MLXIP: variants seen among roughly 807,000 people sequenced by gnomAD.
The protein encoded by MLXIP is MLX interacting protein.
In MLXIP, 30 loss-of-function variants were observed where a neutral mutation model predicts 87.2. The ratio of observed to expected loss-of-function variants is 0.34; its 90% CI spans 0.26 to 0.47. MLXIP has a LOEUF of 0.47. MLXIP is among the 20% of genes least tolerant of loss of function. The pLI, the probability that MLXIP is intolerant of heterozygous loss-of-function variation, is 1.00. For synonymous variants in MLXIP, 530 were observed against 514.0 expected, an observed-to-expected ratio of 1.03 and a Z score of -0.42; for missense variants, 1,002 against 1,240.1, an observed-to-expected ratio of 0.81 and a Z score of 2.88.
At chr12:122,129,018 T>C in intron 3 of MLXIP, 119 bp from the exon 4 acceptor site, 1 of 753,440 alleles carries the variant, frequency 1.3e-6, no homozygotes, top group Non-Finnish European at 2.3e-6. Flanking sequence ...GTAGCCACTG[T>C]GGGGTTTCCC....
chr12:122,120,602 A>G lies in MLXIP; in HGVS notation c.414-6654A>G, dbSNP rs140955336. 1.9e-3 allele frequency among the ~76,000 whole-genome samples: 290 copies of G among 152,314 alleles called. 1 individual carries two copies. The highest frequency in any genetic ancestry group is 3.2e-3 in the Non-Finnish European group (215 of 68,036). ...AAATGGTTAAAATGGTAAATTTTATATTTATTTTACTACAAGAAAAAGAGT... is the reference window on the plus strand; with the variant it reads ...AAATGGTTAAAATGGTAAATTTTATGTTTATTTTACTACAAGAAAAAGAGT... On this transcript the variant is annotated intron_variant, in intron 1 of 16. Transcript: ENST00000319080.
intron 1 of MLXIP, among the ~76,000 whole-genome samples, chr12:122,083,401 G>A (rs1057382410): frequency 1.3e-5 from 2 of 151,894 alleles, no homozygotes; most frequent in Non-Finnish European, 2.9e-5. Flanking sequence ...CGAATGCTTT[G>A]TATAGTAACC....
intron 1 of MLXIP, among the ~76,000 whole-genome samples, chr12:122,121,003 A>G (rs1373891319): frequency 3.3e-5 from 2 of 60,128 alleles, no homozygotes; most frequent in African/African-American, 1.5e-4. Context: ...AGCCCTCTGC[A>G]TGCTTGGTTT....
chr12:122,079,211 C>T lies in MLXIP; in HGVS notation c.358C>T (p.Leu120=). Residue 120 remains leucine (L), a synonymous_variant, in exon 1 of 17, where the codon CTG becomes TTG. Transcript: ENST00000319080. ...CTTCGGCAAGACTAGCTCCTGCCAC[C>T]TGTCCATCGACGCCTCGCTCACCAA... ...YSFGKTSSCH[L]SIDASLTKLF... is the part of the protein sequence containing the mutation. 1 of 1,551,380 alleles carries T rather than the reference C, an allele frequency of 6.4e-7. No individual in the cohort carries two copies. The highest frequency in any genetic ancestry group is 1.2e-5 in the South Asian group (1 of 84,060).
chr12:122,083,113 C>T (rs1465501703), intron 1 of MLXIP, among the ~76,000 whole-genome samples: 3 of 152,194 alleles, frequency 2.0e-5, no homozygotes, highest in Non-Finnish European at 2.9e-5. Context: ...AGCTATTGTG[C>T]CCAGCCCCCA....
intron 1 of MLXIP, among the ~76,000 whole-genome samples, chr12:122,114,569 G>A (rs1236419856): frequency 6.6e-6 from 1 of 152,066 alleles, no homozygotes; most frequent in African/African-American, 2.4e-5. Flanking sequence ...GATACCCTGT[G>A]CTCCAGGCCC....
At chr12:122,091,201 A>G (rs2135904850) in intron 1 of MLXIP, among the ~76,000 whole-genome samples, 1 of 152,328 alleles carries the variant, frequency 6.6e-6, no homozygotes, top group East Asian at 1.9e-4. Flanking sequence ...GGGAAGTGCA[A>G]GATCAGATGA....
At chr12:122,127,106 C>T in intron 1 of MLXIP, 150 bp from the exon 2 acceptor site, 1 of 699,346 alleles carries the variant, frequency 1.4e-6, no homozygotes, top group Non-Finnish European at 2.6e-6. Flanking sequence ...CTGAAGAAAT[C>T]CCCCAGTGAC....
At position 122,102,998 on chromosome 12, in the gene MLXIP, C is replaced by T. The variant is rs141817342; in HGVS notation, c.413+23732C>T. 3.0e-3 allele frequency among the ~76,000 whole-genome samples: 457 copies of T among 152,152 alleles called. 6 individuals carry two copies. Among genetic ancestry groups the T allele is most frequent in the East Asian group, 0.023 (118 of 5,182 alleles). On this transcript the variant is annotated intron_variant, in intron 1 of 16. Transcript: ENST00000319080. ...CATAGCTCTCTGAATATATGAAACA[C>T]GATTGAATTGTACACTATTTTTTGA...
intron 1 of MLXIP, among the ~76,000 whole-genome samples, chr12:122,100,193 C>T (rs1952416574): frequency 6.6e-6 from 1 of 152,170 alleles, no homozygotes; most frequent in Admixed American, 6.5e-5. Context: ...TGGGAAGCAC[C>T]TCTGTGGTAC....
chr12:122,103,950 C>T (rs574615355), intron 1 of MLXIP, among the ~76,000 whole-genome samples: 1 of 151,710 alleles, frequency 6.6e-6, no homozygotes, highest in East Asian at 1.9e-4. Context: ...GCGGAGATTA[C>T]AAGTGTAAGC....
chr12:122,129,104 C>CAA, intron 3 of MLXIP, 33 bp from the exon 4 acceptor site: 1 of 1,539,780 alleles, frequency 6.5e-7, no homozygotes, highest in Admixed American at 1.8e-5. Context: ...AAGCAGAGCC[C>CAA]CCTCTTCACT....
At chr12:122,103,130 A>G (rs36128516) in intron 1 of MLXIP, among the ~76,000 whole-genome samples, 76,844 of 151,956 alleles carry the variant, frequency 0.51, 19,952 homozygotes, top group Middle Eastern at 0.64. Flanking sequence ...TGGCTTCCCA[A>G]GTAGCTGGGA....
chr12:122,111,246 TGTCA>T (rs1952602861), intron 1 of MLXIP, among the ~76,000 whole-genome samples: 1 of 152,170 alleles, frequency 6.6e-6, no homozygotes, highest in African/African-American at 2.4e-5. Flanking sequence ...ATTTGTTTTT[TGTCA>T]GTCTTCATAG....
Position 122,143,087 on chromosome 12 carries a change from G to A in MLXIP, c.*1275G>A, listed in dbSNP as rs1310194331. On this transcript the variant is annotated 3_prime_UTR_variant, in exon 17 of 17. Transcript: ENST00000319080. ...CCAGCACTCAGGAAGCCCGGCCGAG[G>A]GTACCTCCTCGTGGAAAGAATGCAC... 6.6e-6 allele frequency: 1 copy of A among 152,418 alleles called. No individual in the cohort carries two copies. The highest frequency in any genetic ancestry group is 1.5e-5 in the Non-Finnish European group (1 of 68,170). The allele number at this position is 152,418 out of a possible 1,614,324, so 9.4% of individuals were successfully genotyped here. A position where few individuals can be genotyped will look rare whatever the true frequency, so the allele number is the denominator to read the frequency against.
At chr12:122,132,104 A>C (rs1158244877) in intron 7 of MLXIP, among the ~76,000 whole-genome samples, 188 bp from the exon 8 acceptor site, 1 of 151,430 alleles carries the variant, frequency 6.6e-6, no homozygotes, top group African/African-American at 2.4e-5. Flanking sequence ...TTGTATTTTT[A>C]GTAGAGATGG....
At chr12:122,080,337 A>G (rs117093517) in intron 1 of MLXIP, among the ~76,000 whole-genome samples, 5,223 of 152,220 alleles carry the variant, frequency 0.034, 150 homozygotes, top group Non-Finnish European at 0.055. Flanking sequence ...TCGCGGGAGA[A>G]GTTTCCTAGG....
In MLXIP at chr12:122,146,746, G is replaced by A. The variant is rs1281440602; in HGVS notation, c.*4934G>A. 4 of 142,746 alleles carry A rather than the reference G, an allele frequency of 2.8e-5. No homozygotes were observed. The highest frequency in any genetic ancestry group is 9.1e-5 in the African/African-American group (3 of 33,040). The allele number at this position is 142,746 out of a possible 1,614,324, so 8.8% of individuals were successfully genotyped here. A position where few individuals can be genotyped will look rare whatever the true frequency, so the allele number is the denominator to read the frequency against. On this transcript the variant is annotated 3_prime_UTR_variant, in exon 17 of 17. Transcript: ENST00000319080. The stretch of plus-strand genomic sequence containing the variant: ...GCCCCAGTCACACTGTTGGTTCTGC[G>A]CTCTGAACCTGGGTGTAGCTCATTT...
At chr12:122,105,283 T>C (rs761638476) in intron 1 of MLXIP, among the ~76,000 whole-genome samples, 3 of 152,122 alleles carry the variant, frequency 2.0e-5, no homozygotes, top group Non-Finnish European at 4.4e-5. Context: ...CTAATGCCTC[T>C]CTCAGTTTGA....
Sources: gnomAD v4.1 joint callset for allele counts (sites outside exome capture counted in the v4.1 genomes callset) on GRCh38, gnomAD v4.1.1 for gene constraint, MANE v1.5 for transcripts, NCBI Gene and HGNC (gene_info 2026-07-23, HGNC 2026-07-21) for gene names.